Variants in CNBD1 observed in about 807,000 individuals in gnomAD.
CNBD1 encodes the protein cyclic nucleotide binding domain containing 1, also known as cyclic nucleotide-binding domain-containing protein 1.
CNBD1 carries 71 observed loss-of-function variants against 54.4 expected under a neutral mutation model. The ratio of observed to expected loss-of-function variants is 1.30; its 90% confidence interval spans 1.08 to 1.59. The LOEUF (loss-of-function observed/expected upper bound fraction) is 1.59. Among genes scored for constraint, CNBD1 ranks in the 40% most tolerant of loss-of-function variants. The pLI, the probability that CNBD1 is intolerant of heterozygous loss-of-function variation, is 0.00. For synonymous variants in CNBD1, 182 were observed against 170.7 expected (o/e 1.07, Z -0.51); for missense variants, 659 against 518.0 (o/e 1.27, Z -2.64).
intron 8 of CNBD1, among the ~76,000 whole-genome samples, chr8:87,316,354 G>T (rs1351392780): frequency 2.6e-5 from 4 of 151,874 alleles, no homozygotes; most frequent in Admixed American, 2.0e-4. Flanking sequence ...AAAATATTTA[G>T]TTTCCATTTT....
intron 8 of CNBD1, among the ~76,000 whole-genome samples, chr8:87,294,146 A>G (rs1369973684): frequency 6.6e-6 from 1 of 152,200 alleles, no homozygotes; most frequent in Non-Finnish European, 1.5e-5. Context: ...TTAGGAGTCT[A>G]TTTTGGTAGT....
chr8:86,948,809 G>A (rs1807533357), intron 4 of CNBD1, among the ~76,000 whole-genome samples: 1 of 152,080 alleles, frequency 6.6e-6, no homozygotes, highest in Non-Finnish European at 1.5e-5. Flanking sequence ...CTGTGCTTGC[G>A]GGTTATTACT....
At chr8:87,147,092 TC>T (rs1250542038) in intron 4 of CNBD1, among the ~76,000 whole-genome samples, 3 of 152,106 alleles carry the variant, frequency 2.0e-5, no homozygotes, top group Non-Finnish European at 4.4e-5. Flanking sequence ...CTCTCCCTCA[TC>T]TTTTTAAGAC....
chr8:87,081,949 C>G (rs1048378817), intron 4 of CNBD1, among the ~76,000 whole-genome samples: 1 of 152,182 alleles, frequency 6.6e-6, no homozygotes, highest in Non-Finnish European at 1.5e-5. Context: ...TTCCTCCTTG[C>G]AGTTCTATCA....
rs1434171387 is a variant in CNBD1 at position 87,324,545 on chromosome 8, T to C, written c.1043-27140T>C. On this transcript the variant is annotated intron_variant, in intron 8 of 10. Coordinates refer to ENST00000518476, the MANE Select transcript of CNBD1 (RefSeq NM_173538.3). Reference sequence around the variant, plus strand: ...GTTTAGTCTTGGGAGAGTGTATGTGTCAAGGAATGTATCCATTTCTTCTAG... The same window carrying C: ...GTTTAGTCTTGGGAGAGTGTATGTGCCAAGGAATGTATCCATTTCTTCTAG... 8.9e-5 allele frequency among the ~76,000 whole-genome samples: 13 copies of C among 145,732 alleles called. No homozygotes were observed. In the East Asian group the frequency reaches 2.5e-3, roughly 28 times the overall value.
At chr8:87,424,782 T>C (rs1239973535) in intron 2 of CNBD1, among the ~76,000 whole-genome samples, 1 of 152,204 alleles carries the variant, frequency 6.6e-6, no homozygotes, top group African/African-American at 2.4e-5. Flanking sequence ...CTTTGGTGAA[T>C]CTGACAATTA....
At chr8:87,407,368 C>A (rs983662144) in intron 2 of CNBD1, among the ~76,000 whole-genome samples, 3 of 151,422 alleles carry the variant, frequency 2.0e-5, no homozygotes, top group African/African-American at 7.3e-5. Context: ...TGTATAATAC[C>A]CTTTTGTACG....
intron 8 of CNBD1, among the ~76,000 whole-genome samples, chr8:87,304,533 G>A (rs1809099873): frequency 2.0e-5 from 3 of 152,054 alleles, no homozygotes. Context: ...TATACCTAAT[G>A]TTAAGTGATG....
intron 2 of CNBD1, among the ~76,000 whole-genome samples, chr8:87,388,902 A>G (rs1241313905): frequency 4.6e-5 from 7 of 152,188 alleles, no homozygotes; most frequent in African/African-American, 1.2e-4. Flanking sequence ...CTTATCCAAC[A>G]TGATCAAGTG....
chr8:86,939,646 C>G lies in CNBD1; in HGVS notation c.323C>G (p.Ser108Cys), dbSNP rs1809614637. Residue 108 changes from serine (S) to cysteine (C), a missense_variant, in exon 4 of 11, where the codon TCT becomes TGT. Physicochemically the swap from Ser to Cys is moderately radical, Grantham distance 112. Coordinates refer to ENST00000518476, the MANE Select transcript of CNBD1 (RefSeq NM_173538.3). Reference sequence around the variant, plus strand: ...AGTCAACATCAACAACCTGATGATTCTAACAATATAGCTGTCCATGTTCAG... The same window carrying G: ...AGTCAACATCAACAACCTGATGATTGTAACAATATAGCTGTCCATGTTCAG... ...EESQHQQPDD[S>C]NNIAVHVQRA... 1.2e-6 allele frequency: 2 copies of G among 1,601,512 alleles called. No individual in the cohort carries two copies.
intron 2 of CNBD1, among the ~76,000 whole-genome samples, chr8:87,391,383 A>G (rs1047745265): frequency 3.9e-5 from 6 of 152,136 alleles, no homozygotes; most frequent in Admixed American, 1.3e-4. Context: ...TCGTATGGAA[A>G]CACAAGAGTT....
intron 4 of CNBD1, among the ~76,000 whole-genome samples, chr8:87,080,498 G>A (rs1381489195): frequency 6.6e-6 from 1 of 151,930 alleles, no homozygotes; most frequent in Non-Finnish European, 1.5e-5. Context: ...TTGAACCCGG[G>A]AGGTGGAGGT....
At chr8:87,369,917 C>G (rs1391018085) in intron 10 of CNBD1, among the ~76,000 whole-genome samples, 1 of 151,992 alleles carries the variant, frequency 6.6e-6, no homozygotes, top group Non-Finnish European at 1.5e-5. Context: ...GTGATGTTCC[C>G]CTTCCTGTGT....
chr8:87,252,995 G>A (rs148469689), intron 6 of CNBD1, among the ~76,000 whole-genome samples: 2 of 152,126 alleles, frequency 1.3e-5, no homozygotes, highest in Admixed American at 6.5e-5. Context: ...GTAAATGCCT[G>A]GTATGTGAAA....
In CNBD1 at chr8:87,228,821, C is replaced by T. The variant is rs867629787; in HGVS notation, c.578-8098C>T. On this transcript the variant is annotated intron_variant, in intron 5 of 10. Coordinates refer to ENST00000518476, the MANE Select transcript of CNBD1 (RefSeq NM_173538.3). ...TTACCTAATCAAGCCTGGGCAATGG[C>T]GGGCGCCCCTCCTCCAGCCTCGCTG... Among the ~76,000 whole-genome samples, 353 of 152,280 alleles carry T rather than the reference C, an allele frequency of 2.3e-3. 1 individual carries two copies. Among genetic ancestry groups the T allele is most frequent in the African/African-American group, 7.7e-3 (318 of 41,540 alleles).
At chr8:87,053,067 T>A (rs1263106014) in intron 4 of CNBD1, among the ~76,000 whole-genome samples, 1 of 152,080 alleles carries the variant, frequency 6.6e-6, no homozygotes, top group Non-Finnish European at 1.5e-5. Flanking sequence ...GAAGTTTTCT[T>A]TGATGGTTTT....
At chr8:86,932,645 G>A (rs1355119840) in intron 3 of CNBD1, among the ~76,000 whole-genome samples, 1 of 152,074 alleles carries the variant, frequency 6.6e-6, no homozygotes, top group Non-Finnish European at 1.5e-5. Flanking sequence ...CTTCCCTTAG[G>A]TGGCCATTTT....
intron 4 of CNBD1, among the ~76,000 whole-genome samples, chr8:87,015,797 A>C (rs1018012365): frequency 6.6e-6 from 1 of 152,108 alleles, no homozygotes; most frequent in East Asian, 2.0e-4. Context: ...ACTAACCAAC[A>C]TGGTGAAACC....
chr8:86,872,226 CAT>C (rs1808452710), intron 1 of CNBD1, among the ~76,000 whole-genome samples: 2 of 152,156 alleles, frequency 1.3e-5, no homozygotes, highest in South Asian at 4.1e-4. Context: ...TGCCTTAGCT[CAT>C]GTTTCCTGTG....
Sources: gnomAD v4.1 joint callset for allele counts (sites outside exome capture counted in the v4.1 genomes callset) on GRCh38, gnomAD v4.1.1 for gene constraint, MANE v1.5 for transcripts, NCBI Gene and HGNC (gene_info 2026-07-23, HGNC 2026-07-21) for gene names.